NUFIP2: variants seen among roughly 807,000 people sequenced by gnomAD.
NUFIP2 encodes FMR1-interacting protein NUFIP2.
Under a neutral mutation model 56.9 loss-of-function variants are expected in NUFIP2, and 6 were observed. That is an observed-to-expected ratio of 0.11 (90% confidence interval 0.06 to 0.21). The LOEUF is 0.21. Among genes scored for constraint, NUFIP2 ranks in the 10% least tolerant of loss-of-function variants. NUFIP2 has a pLI of 1.00. For synonymous variants in NUFIP2, 321 were observed against 298.2 expected, an observed-to-expected ratio of 1.08 and a Z score of -0.79; for missense variants, 828 against 826.8, an observed-to-expected ratio of 1.00 and a Z score of -0.02.
At chr17:29,272,202 CA>C (rs2069078555) in intron 2 of NUFIP2, among the ~76,000 whole-genome samples, 1 of 148,608 alleles carries the variant, frequency 6.7e-6, no homozygotes, top group South Asian at 2.1e-4. Flanking sequence ...AAAAAGGTTA[CA>C]AAAATCTCAA....
intron 2 of NUFIP2, among the ~76,000 whole-genome samples, chr17:29,269,411 T>C (rs1346401242): frequency 6.6e-6 from 1 of 152,202 alleles, no homozygotes; most frequent in African/African-American, 2.4e-5. Flanking sequence ...TATTTTCTGA[T>C]TGTATGTGTA....
intron 2 of NUFIP2, among the ~76,000 whole-genome samples, chr17:29,283,564 T>C (rs2069152945): frequency 6.6e-6 from 1 of 152,182 alleles, no homozygotes; most frequent in Non-Finnish European, 1.5e-5. Flanking sequence ...ATTACAGTCA[T>C]GACCCACCAC....
Position 29,264,559 on chromosome 17 carries a change from TG to T in NUFIP2, c.2067del (p.Met690TrpfsTer20). The T allele has an allele frequency of 6.2e-7, 1 of 1,608,474 alleles. No homozygotes were observed. The highest frequency in any genetic ancestry group is 8.5e-7 in the Non-Finnish European group (1 of 1,175,140). On this transcript the variant is annotated frameshift_variant, in exon 4 of 4. Coordinates refer to ENST00000225388, the MANE Select transcript of NUFIP2 (RefSeq NM_020772.3). LOFTEE classifies it high-confidence loss of function. Reference protein sequence around the residue: ...DPKRIITYNEAMDSPDQ With the variant: ...DPKRIITYNEXMDSPDQ ...GTCCTTCATTGATCTGGACTATCCA[TG>T]GCTTCATTGTAAGTGATTATCCTTT...
chr17:29,287,168 A>G lies in NUFIP2; in HGVS notation c.826T>C (p.Ser276Pro), dbSNP rs139731845. The change falls in exon 2 of 4, where the codon TCG (serine) becomes CCG (proline). Residue 276 changes from serine (S) to proline (P), a missense_variant. By Grantham distance (74) the Ser-to-Pro change is moderately conservative. Around this residue, in one of 3 missense-constraint regions of NUFIP2, gnomAD observed 415 missense variants for 408.7 expected, o/e 1.02. Coordinates refer to ENST00000225388, the MANE Select transcript of NUFIP2 (RefSeq NM_020772.3). ...SEQKGNRVDG[S>P]KPIWKYETGP... The stretch of plus-strand genomic sequence containing the variant: ...GTTTCATACTTCCAAATGGGCTTCG[A>G]ACCATCTACTCGATTTCCCTTTTGT... 2.6e-3 allele frequency: 4,183 copies of G among 1,614,172 alleles called. 8 individuals carry two copies. The highest frequency in any genetic ancestry group is 3.3e-3 in the Admixed American group (199 of 60,018).
chr17:29,268,974 T>A (rs1006529123), intron 2 of NUFIP2, among the ~76,000 whole-genome samples: 2 of 152,154 alleles, frequency 1.3e-5, no homozygotes, highest in African/African-American at 4.8e-5. Context: ...ATTATGTACA[T>A]GTACAAATTA....
At chr17:29,285,237 T>C (rs1598434928) in intron 2 of NUFIP2, among the ~76,000 whole-genome samples, 1 of 150,482 alleles carries the variant, frequency 6.6e-6, no homozygotes, top group Non-Finnish European at 1.5e-5. Flanking sequence ...GAGGCGGAGG[T>C]TGCAGTGAGC....
intron 2 of NUFIP2, among the ~76,000 whole-genome samples, chr17:29,276,505 G>A (rs928970993): frequency 1.3e-4 from 20 of 152,020 alleles, no homozygotes; most frequent in African/African-American, 4.8e-4. Context: ...GCTAATTTTT[G>A]TATATTGTTT....
At chr17:29,266,886 T>A (rs1176504732) in intron 3 of NUFIP2, among the ~76,000 whole-genome samples, 1 of 151,932 alleles carries the variant, frequency 6.6e-6, no homozygotes, top group Non-Finnish European at 1.5e-5. Context: ...TGTTTTCTTT[T>A]TTCGTATTCA....
chr17:29,271,882 C>T (rs2069074730), intron 2 of NUFIP2, among the ~76,000 whole-genome samples: 1 of 151,838 alleles, frequency 6.6e-6, no homozygotes. Context: ...ACCAGCCTGA[C>T]CAACATGGTG....
intron 2 of NUFIP2, among the ~76,000 whole-genome samples, chr17:29,271,214 T>C (rs1439108570): frequency 6.6e-6 from 1 of 152,142 alleles, no homozygotes; most frequent in African/African-American, 2.4e-5. Context: ...AAACTAGCTA[T>C]GAAGCAAGCC....
intron 1 of NUFIP2, among the ~76,000 whole-genome samples, chr17:29,289,004 C>T (rs1567682362): frequency 6.6e-6 from 1 of 151,940 alleles, no homozygotes; most frequent in East Asian, 2.0e-4. Flanking sequence ...ATTAGCTGGG[C>T]GTGGGGCATG....
chr17:29,293,865 G>A lies in NUFIP2; in HGVS notation c.195C>T (p.Ser65=), dbSNP rs758287489. The A allele has an allele frequency of 6.2e-7, 1 of 1,613,480 alleles. No homozygotes were observed. The highest frequency in any genetic ancestry group is 1.1e-5 in the South Asian group (1 of 91,060). The change falls in exon 1 of 4, where the codon AGC becomes AGT. Residue 65 remains serine, a synonymous_variant. Transcript: ENST00000225388. ...TCAGCGGCTTTGGCTGGGCCTTGGG[G>A]CTGCCCTCGGCTCCATGCTGCAGGT... ...HQYLQHGAEG[S]PKAQPKPLKH...
chr17:29,257,977 G>A lies in NUFIP2; in HGVS notation c.*6562C>T, dbSNP rs2068980177. The A allele has an allele frequency of 6.6e-6, 1 of 152,048 alleles. No individual in the cohort carries two copies. The allele number at this position is 152,048 out of a possible 1,614,324, so 9.4% of individuals were successfully genotyped here. ...AACTTTAAACAGAGAGCACCAGTTG[G>A]GCAATAGAATGAGCATTTCATACTG... On this transcript the variant is annotated 3_prime_UTR_variant, in exon 4 of 4. Transcript: ENST00000225388.
chr17:29,274,324 G>A (rs2069094444), intron 2 of NUFIP2, among the ~76,000 whole-genome samples: 2 of 152,168 alleles, frequency 1.3e-5, no homozygotes, highest in African/African-American at 4.8e-5. Context: ...TTAAAAACTA[G>A]CTGGGTGTGC....
At chr17:29,278,276 T>G (rs1040591951) in intron 2 of NUFIP2, among the ~76,000 whole-genome samples, 2 of 151,856 alleles carry the variant, frequency 1.3e-5, no homozygotes, top group Non-Finnish European at 2.9e-5. Flanking sequence ...AGACAGAGTC[T>G]CGCTCTGTCC....
intron 1 of NUFIP2, 66 bp downstream of exon 1, chr17:29,293,717 C>G: frequency 1.9e-5 from 26 of 1,360,772 alleles, no homozygotes; most frequent in Non-Finnish European, 2.5e-5. Flanking sequence ...TCGGATCCAG[C>G]CCCACCCCCA....
At chr17:29,274,643 T>G (rs1437072413) in intron 2 of NUFIP2, among the ~76,000 whole-genome samples, 1 of 152,192 alleles carries the variant, frequency 6.6e-6, no homozygotes, top group Non-Finnish European at 1.5e-5. Flanking sequence ...AAGAACATTA[T>G]TCAGGGGACA....
At chr17:29,290,154 G>A (rs971581746) in intron 1 of NUFIP2, among the ~76,000 whole-genome samples, 1 of 151,882 alleles carries the variant, frequency 6.6e-6, no homozygotes, top group Admixed American at 6.6e-5. Flanking sequence ...CAAAGTGCTG[G>A]GATTACAGGT....
In NUFIP2 at chr17:29,286,800, T is replaced by A. The variant is rs2153012562; in HGVS notation, c.1194A>T (p.Leu398Phe). The change falls in exon 2 of 4, where the codon TTA becomes TTT. Residue 398 changes from leucine (L) to phenylalanine (F), a missense_variant. Coordinates refer to ENST00000225388, the MANE Select transcript of NUFIP2 (RefSeq NM_020772.3). ...TCAGCGCTGACATAGGGACCTGGGA[T>A]AAGCGACTTGATGATTGGGTCTGAG... ...GETQTQSSSRLSQVPMSALKS... is the reference protein window; with the variant it reads ...GETQTQSSSRFSQVPMSALKS... The A allele has an allele frequency of 3.7e-6, 6 of 1,614,210 alleles. No homozygotes were observed. Among genetic ancestry groups the A allele is most frequent in the Non-Finnish European group, 5.1e-6 (6 of 1,180,044 alleles).
Sources: allele counts gnomAD v4.1 joint callset (sites outside exome capture counted in the v4.1 genomes callset), GRCh38; gene constraint gnomAD v4.1.1; regional missense constraint gnomAD v4.1.1; transcripts MANE v1.5; gene names NCBI Gene and HGNC (gene_info 2026-07-23, HGNC 2026-07-21).